Variants in GTF2IRD2B observed in about 807,000 individuals in gnomAD.
GTF2IRD2B encodes the protein general transcription factor II-I repeat domain-containing protein 2B.
In GTF2IRD2B, 10 loss-of-function variants were observed where a neutral mutation model predicts 55.6. The ratio of observed to expected loss-of-function variants is 0.18; its 90% CI spans 0.11 to 0.31. The LOEUF is 0.31. Ranked by LOEUF, GTF2IRD2B falls within the 10% of genes least tolerant of loss-of-function variation. The pLI, the probability that GTF2IRD2B is intolerant of heterozygous loss-of-function variation, is 1.00. For missense variants in GTF2IRD2B, 206 were observed against 802.7 expected, an observed-to-expected ratio of 0.26 and a Z score of 8.98; for synonymous variants, 107 against 320.5, an observed-to-expected ratio of 0.33 and a Z score of 7.12.
intron 11 of GTF2IRD2B, among the ~76,000 whole-genome samples, chr7:75,138,731 T>G (rs1584548661): frequency 1.0e-5 from 1 of 98,334 alleles, no homozygotes; most frequent in Non-Finnish European, 2.0e-5. Flanking sequence ...AAGGCTGAGG[T>G]GGGAGGATCA....
At chr7:75,092,928 G>A (rs1807298166) in intron 1 of GTF2IRD2B, among the ~76,000 whole-genome samples, 163 bp downstream of exon 1, 1 of 151,644 alleles carries the variant, frequency 6.6e-6, no homozygotes, top group African/African-American at 2.4e-5. Context: ...AGGCACCCCC[G>A]AACCCCGATC....
chr7:75,121,494 T>C (rs1554451943), intron 4 of GTF2IRD2B, among the ~76,000 whole-genome samples: 1 of 151,044 alleles, frequency 6.6e-6, no homozygotes, highest in Non-Finnish European at 1.5e-5. Flanking sequence ...AGTCTTGCTC[T>C]GACACCCAGG....
chr7:75,148,904 C>T lies in GTF2IRD2B; in HGVS notation c.2457C>T (p.Gly819=). ...LKLVSRNESD[G]LNYIPKIAEL... is the part of the protein sequence containing the mutation. Reference sequence around the variant, plus strand: ...TGGTTTCCAGAAATGAAAGCGATGGCCTGAACTACATTCCCAAAATCGCGG... The same window carrying T: ...TGGTTTCCAGAAATGAAAGCGATGGTCTGAACTACATTCCCAAAATCGCGG... The change falls in exon 16 of 16, where the codon GGC becomes GGT. Residue 819 remains glycine, a synonymous_variant. Transcript: ENST00000472837. 4 of 1,588,640 alleles carry T rather than the reference C, an allele frequency of 2.5e-6. No individual in the cohort carries two copies. Among genetic ancestry groups the T allele is most frequent in the Non-Finnish European group, 1.7e-6 (2 of 1,158,066 alleles).
chr7:75,123,470 G>A lies in GTF2IRD2B; in HGVS notation c.543-18G>A. The A allele has an allele frequency of 1.4e-6, 1 of 736,332 alleles. No individual in the cohort carries two copies. Among genetic ancestry groups the A allele is most frequent in the Non-Finnish European group, 2.2e-6 (1 of 447,446 alleles). The allele number at this position is 736,332 out of a possible 1,614,324, so 45.6% of individuals were successfully genotyped here. A position where few individuals can be genotyped will look rare whatever the true frequency, so the allele number is the denominator to read the frequency against. ...TTTCATTGGTCCGTGCTGGGTAATG[G>A]TGTTGCTTTTCTTGCAGACCCTTCC... On this transcript the variant is annotated intron_variant, in intron 5 of 15. Coordinates refer to ENST00000472837, the MANE Select transcript of GTF2IRD2B (RefSeq NM_001003795.3).
intron 8 of GTF2IRD2B, among the ~76,000 whole-genome samples, chr7:75,129,576 A>AC (rs1287494759): frequency 9.3e-6 from 1 of 106,986 alleles, no homozygotes; most frequent in East Asian, 2.6e-4. Context: ...ACATGGTGAA[A>AC]CCCCATGTCT....
intron 9 of GTF2IRD2B, among the ~76,000 whole-genome samples, chr7:75,134,312 T>C (rs1234316159): frequency 2.1e-5 from 3 of 140,278 alleles, no homozygotes; most frequent in Non-Finnish European, 4.5e-5. Flanking sequence ...CGCTTGAGTC[T>C]GGGAGGTCAA....
intron 1 of GTF2IRD2B, among the ~76,000 whole-genome samples, chr7:75,102,816 G>A (rs1422167642): frequency 7.2e-5 from 11 of 151,864 alleles, no homozygotes; most frequent in Middle Eastern, 3.2e-3. Flanking sequence ...AAAATTAGCC[G>A]GCCATGGTGG....
intron 5 of GTF2IRD2B, 77 bp downstream of exon 5, chr7:75,123,396 A>G (rs1232811902): frequency 3.1e-6 from 2 of 651,614 alleles, no homozygotes; most frequent in Non-Finnish European, 5.0e-6. Context: ...TCACTCGTGC[A>G]TCCCGCCTGC....
At chr7:75,096,788 C>T (rs1268163534) in intron 1 of GTF2IRD2B, among the ~76,000 whole-genome samples, 4 of 150,078 alleles carry the variant, frequency 2.7e-5, no homozygotes, top group Non-Finnish European at 4.4e-5. Flanking sequence ...GAAACATGTA[C>T]TCTTGTGTTT....
intron 1 of GTF2IRD2B, among the ~76,000 whole-genome samples, 169 bp downstream of exon 1, chr7:75,092,934 C>CGATCCCT (rs1554448642): frequency 1.3e-5 from 2 of 151,618 alleles, no homozygotes; most frequent in African/African-American, 4.8e-5. Flanking sequence ...CCCCGAACCC[C>CGATCCCT]GATCCCTGCT....
At chr7:75,136,145 GATAATAATAATA>G (rs55650303) in intron 10 of GTF2IRD2B, among the ~76,000 whole-genome samples, 1 of 92,888 alleles carries the variant, frequency 1.1e-5, no homozygotes, top group African/African-American at 5.1e-5. Flanking sequence ...TCTCAATAAT[GATAATAATAATA>G]ATAATAATAA....
At position 75,096,669 on chromosome 7, in the gene GTF2IRD2B, A is replaced by G. The variant is rs1439371012; in HGVS notation, c.-6+3904A>G. On this transcript the variant is annotated intron_variant, in intron 1 of 15. Coordinates refer to ENST00000472837, the MANE Select transcript of GTF2IRD2B (RefSeq NM_001003795.3). ...TGGAACTCCTGACCTCAGGTGATCC[A>G]CCTGCCTCAGCCTCCCAGAGTGCTG... Among the ~76,000 whole-genome samples the G allele has an allele frequency of 4.2e-5, 6 of 142,454 alleles. No homozygotes were observed. In the East Asian group the frequency reaches 1.0e-3, roughly 24 times the overall value. 93.5% of individuals were successfully genotyped at this position (142,454 alleles called of 152,430 possible).
intron 1 of GTF2IRD2B, among the ~76,000 whole-genome samples, chr7:75,105,278 C>T (rs1297630088): frequency 1.4e-4 from 21 of 152,386 alleles, no homozygotes; most frequent in African/African-American, 3.6e-4. Flanking sequence ...CCGAGGCGGG[C>T]GGATCACTTG....
chr7:75,101,974 G>A (rs1807582551), intron 1 of GTF2IRD2B, among the ~76,000 whole-genome samples: 1 of 150,082 alleles, frequency 6.7e-6, no homozygotes, highest in African/African-American at 2.4e-5. Flanking sequence ...TCACAGAGTT[G>A]TACAACTATC....
rs1159887977 is a variant in GTF2IRD2B at position 75,132,548 on chromosome 7, C to CTTTT, written c.671-565_671-562dup. On this transcript the variant is annotated intron_variant, in intron 8 of 15. Coordinates refer to ENST00000472837, the MANE Select transcript of GTF2IRD2B (RefSeq NM_001003795.3). ...TTCCTTCATCCTCCTCTCCTTCCTT[C>CTTTT]TTTTTTTTTTTTTTTTTTTTTTTTT... Among the ~76,000 whole-genome samples, 328 of 85,432 alleles carry CTTTT rather than the reference C, an allele frequency of 3.8e-3. 1 individual carries two copies. The highest frequency in any genetic ancestry group is 0.01 in the Middle Eastern group (1 of 96). The allele number at this position is 85,432 out of a possible 152,430, so 56.0% of individuals were successfully genotyped here.
chr7:75,113,878 G>C (rs1257203935), intron 3 of GTF2IRD2B, among the ~76,000 whole-genome samples: 2 of 148,310 alleles, frequency 1.3e-5, no homozygotes, highest in African/African-American at 5.0e-5. Flanking sequence ...GTGTGTGTGT[G>C]TGTGTCTGTG....
rs1486841828 is a variant in GTF2IRD2B at position 75,112,658 on chromosome 7, T to C, written c.238+123T>C. ...CTAGAAACGATCCTAACACATCTTC[T>C]TGGATTCAGCTTACCAAATAAATAC... On this transcript the variant is annotated intron_variant, in intron 3 of 15. Coordinates refer to ENST00000472837, the MANE Select transcript of GTF2IRD2B (RefSeq NM_001003795.3). 19 of 1,583,790 alleles carry C rather than the reference T, an allele frequency of 1.2e-5. No individual in the cohort carries two copies. In the African/African-American group the frequency reaches 1.6e-4, roughly 13 times the overall value.
At chr7:75,115,078 G>A (rs1316889012) in intron 3 of GTF2IRD2B, among the ~76,000 whole-genome samples, 3 of 130,864 alleles carry the variant, frequency 2.3e-5, no homozygotes, top group Non-Finnish European at 4.9e-5. Flanking sequence ...GATTACAGGC[G>A]TGAGTCATCG....
intron 1 of GTF2IRD2B, among the ~76,000 whole-genome samples, chr7:75,104,339 G>T (rs1371186896): frequency 6.6e-6 from 1 of 152,222 alleles, no homozygotes; most frequent in Non-Finnish European, 1.5e-5. Flanking sequence ...GGCTGGTCTC[G>T]AACTCCTGAC....
Sources: allele counts gnomAD v4.1 joint callset (sites outside exome capture counted in the v4.1 genomes callset), GRCh38; gene constraint gnomAD v4.1.1; transcripts MANE v1.5; gene names NCBI Gene and HGNC (gene_info 2026-07-23, HGNC 2026-07-21).